KLHL3: variants seen among roughly 807,000 people sequenced by gnomAD.
The protein encoded by KLHL3 is kelch-like protein 3.
A neutral mutation model predicts 70.5 loss-of-function variants in KLHL3; 19 were observed. The observed-to-expected ratio is 0.27, with a 90% CI of 0.19 to 0.40. KLHL3 has a LOEUF of 0.40. Ranked by LOEUF, KLHL3 falls within the 10% of genes least tolerant of loss-of-function variation. The probability of loss-of-function intolerance (pLI) is 1.00; values close to 1 mark genes in which losing one functional copy is unlikely to be tolerated. For synonymous variants in KLHL3, 258 were observed against 290.3 expected (o/e 0.89, Z 1.13); for missense variants, 512 against 771.1 (o/e 0.66, Z 3.98).
At chr5:137,656,044 A>C (rs745822053) in intron 8 of KLHL3, among the ~76,000 whole-genome samples, 3 of 151,602 alleles carry the variant, frequency 2.0e-5, no homozygotes, top group African/African-American at 4.8e-5. Flanking sequence ...AATACAGTCT[A>C]ATAGAAAAAT....
chr5:137,713,868 A>C (rs1264651234), intron 2 of KLHL3, among the ~76,000 whole-genome samples: 1 of 152,228 alleles, frequency 6.6e-6, no homozygotes, highest in Non-Finnish European at 1.5e-5. Flanking sequence ...ATTAAAAATG[A>C]ACAAGAGATT....
At position 137,715,035 on chromosome 5, in the gene KLHL3, T is replaced by C. The variant is rs1385828085; in HGVS notation, c.135-5179A>G. Among the ~76,000 whole-genome samples the C allele has an allele frequency of 2.0e-5, 3 of 152,214 alleles. No individual in the cohort carries two copies. In the East Asian group the frequency reaches 5.8e-4, roughly 29 times the overall value. ...TTTCAGGCCTGGTTAGGATGTGCTATTCTAAGAAGGCCCACAGCCCCATTT... is the reference window on the plus strand; with the variant it reads ...TTTCAGGCCTGGTTAGGATGTGCTACTCTAAGAAGGCCCACAGCCCCATTT... On this transcript the variant is annotated intron_variant, in intron 2 of 14. Transcript: ENST00000309755.
At chr5:137,653,515 C>T (rs535087735) in intron 8 of KLHL3, among the ~76,000 whole-genome samples, 9 of 152,184 alleles carry the variant, frequency 5.9e-5, no homozygotes, top group African/African-American at 2.2e-4. Context: ...CTCAACAGCA[C>T]AGTGATTAGA....
intron 5 of KLHL3, among the ~76,000 whole-genome samples, chr5:137,678,248 C>A (rs556966250): frequency 1.3e-4 from 20 of 152,182 alleles, no homozygotes; most frequent in African/African-American, 3.4e-4. Flanking sequence ...ACCCTACTAC[C>A]CCTAGGAACA....
rs139426043 is a variant in KLHL3, at chr5:137,705,486, A to C, written c.241+4264T>G. ...TACCATATATTCAAAGATACCAAAC[A>C]TCAGCCTAAATCTAATAAAAACTGG... On this transcript the variant is annotated intron_variant, in intron 3 of 14. Coordinates refer to ENST00000309755, the MANE Select transcript of KLHL3 (RefSeq NM_017415.3). 2.0e-5 allele frequency among the ~76,000 whole-genome samples: 3 copies of C among 152,318 alleles called. No homozygotes were observed. The East Asian group carries it at 5.8e-4, about 29-fold the overall frequency.
At chr5:137,653,814 G>T (rs1751269020) in intron 8 of KLHL3, among the ~76,000 whole-genome samples, 1 of 152,182 alleles carries the variant, frequency 6.6e-6, no homozygotes, top group Non-Finnish European at 1.5e-5. Flanking sequence ...AATCACAGCA[G>T]CTTTATTTGT....
At chr5:137,702,072 G>A (rs938490847) in intron 3 of KLHL3, among the ~76,000 whole-genome samples, 1 of 152,236 alleles carries the variant, frequency 6.6e-6, no homozygotes, top group Non-Finnish European at 1.5e-5. Flanking sequence ...GCTAGGCCCA[G>A]AGAATACAGT....
intron 8 of KLHL3, 34 bp downstream of exon 8, chr5:137,658,097 C>A (rs765107305): frequency 1.3e-6 from 2 of 1,595,822 alleles, no homozygotes; most frequent in South Asian, 2.3e-5. Flanking sequence ...AGGGCACAGT[C>A]CTGACTCTTG....
chr5:137,642,675 A>G (rs1750943783), intron 8 of KLHL3, among the ~76,000 whole-genome samples: 1 of 152,248 alleles, frequency 6.6e-6, no homozygotes, highest in African/African-American at 2.4e-5. Context: ...AAAAATGAAA[A>G]AAGAAACTAA....
chr5:137,633,175 G>A (rs1326575614), intron 12 of KLHL3, among the ~76,000 whole-genome samples: 1 of 151,472 alleles, frequency 6.6e-6, no homozygotes, highest in African/African-American at 2.4e-5. Flanking sequence ...AGCTACTCGG[G>A]AGGCTGAGGC....
intron 6 of KLHL3, among the ~76,000 whole-genome samples, chr5:137,676,251 TTG>T (rs1363672118): frequency 2.0e-5 from 3 of 152,214 alleles, no homozygotes; most frequent in Non-Finnish European, 4.4e-5. Context: ...AGGCAGGGGT[TTG>T]TGAATTTTAC....
chr5:137,680,897 G>A (rs4371746), intron 5 of KLHL3, among the ~76,000 whole-genome samples: 91,110 of 151,832 alleles, frequency 0.6, 28,262 homozygotes, highest in East Asian at 0.93. Flanking sequence ...CTTGGGACCA[G>A]GCACAGTGGC....
At position 137,726,284 on chromosome 5, in the gene KLHL3, A is replaced by G. The variant is rs530458498; in HGVS notation, c.15-5700T>C. Among the ~76,000 whole-genome samples the G allele has an allele frequency of 7.9e-5, 12 of 152,274 alleles. No individual in the cohort carries two copies. In the South Asian group the frequency reaches 1.0e-3, roughly 13 times the overall value. On this transcript the variant is annotated intron_variant, in intron 1 of 14. Transcript: ENST00000309755. ...AAAAGCTGAAAAATCATCAGTCTAC[A>G]GGATAAAGTCATGATTCTTGACTAG...
At chr5:137,634,193 G>C in intron 11 of KLHL3, 28 bp from the exon 12 acceptor site, 1 of 1,578,446 alleles carries the variant, frequency 6.3e-7, no homozygotes, top group South Asian at 1.2e-5. Flanking sequence ...GCTGAGTGTG[G>C]TGCCAGGGAT....
chr5:137,677,624 TCTC>T lies in KLHL3; in HGVS notation c.554_556del (p.Gly185del). ...GTCCAGACTCAGGCTAAGAAATTCT[TCTC>T]CTAGCATCACCTCTGGAAAGTGCTG... On this transcript the variant is annotated inframe_deletion, in exon 6 of 15. Transcript: ENST00000309755. 1 of 1,606,656 alleles carries T rather than the reference TCTC, an allele frequency of 6.2e-7. No homozygotes were observed. Among genetic ancestry groups the T allele is most frequent in the Non-Finnish European group, 8.5e-7 (1 of 1,177,142 alleles).
intron 2 of KLHL3, among the ~76,000 whole-genome samples, chr5:137,718,800 A>G (rs184218557): frequency 8.4e-4 from 128 of 152,368 alleles, no homozygotes; most frequent in Non-Finnish European, 1.2e-3. Flanking sequence ...TAAGACAGCT[A>G]TGGGCAGAGC....
chr5:137,655,033 G>A (rs1396177532), intron 8 of KLHL3, among the ~76,000 whole-genome samples: 1 of 152,084 alleles, frequency 6.6e-6, no homozygotes, highest in African/African-American at 2.4e-5. Context: ...CACTAGGTAT[G>A]GTTTCTACAC....
chr5:137,671,742 A>G (rs148768366), intron 6 of KLHL3: 1 of 152,356 alleles, frequency 6.6e-6, no homozygotes, highest in East Asian at 1.9e-4. Flanking sequence ...TTCAATTTAT[A>G]TAAGCTTCCA....
intron 13 of KLHL3, among the ~76,000 whole-genome samples, chr5:137,627,090 C>T (rs1396548426): frequency 6.6e-6 from 1 of 152,118 alleles, no homozygotes; most frequent in Non-Finnish European, 1.5e-5. Flanking sequence ...TATAATCACT[C>T]AAGTATTACT....
Sources: allele counts gnomAD v4.1 joint callset (sites outside exome capture counted in the v4.1 genomes callset), GRCh38; gene constraint gnomAD v4.1.1; transcripts MANE v1.5; gene names NCBI Gene and HGNC (gene_info 2026-07-23, HGNC 2026-07-21).